Variants in SPADH observed in about 807,000 individuals in gnomAD.
SPADH encodes the protein spermadhesin family member, also known as CUB domain-containing protein.
the SPADH span, among the ~76,000 whole-genome samples, chr10:122,674,895 G>T: frequency 6.6e-6 from 1 of 152,188 alleles, no homozygotes; most frequent in Non-Finnish European, 1.5e-5. Flanking sequence ...AAGTCGTTCA[G>T]CTCTAGGCTG....
At chr10:122,679,086 C>G in the SPADH span, 3 of 860,812 alleles carry the variant, frequency 3.5e-6, no homozygotes, top group Non-Finnish European at 2.8e-6. Context: ...CTGATGCTCC[C>G]CTGCTCTGCC....
At chr10:122,675,745 T>C in the SPADH span, 1 of 551,802 alleles carries the variant, frequency 1.8e-6, no homozygotes, top group Non-Finnish European at 2.3e-6. Flanking sequence ...GAAATCCAAA[T>C]GGATCAATGA....
At chr10:122,677,922 C>T in the SPADH span, among the ~76,000 whole-genome samples, 14 of 152,284 alleles carry the variant, frequency 9.2e-5, no homozygotes, top group Admixed American at 7.9e-4. Context: ...ATGAAAGAGT[C>T]GTGCACTTCC....
chr10:122,675,692 A>G, the SPADH span: 4 of 972,532 alleles, frequency 4.1e-6, no homozygotes, highest in Non-Finnish European at 4.9e-6. Flanking sequence ...CAAGACTGTT[A>G]CCCTCTTTCC....
chr10:122,675,689 G>A, the SPADH span: 1 of 973,556 alleles, frequency 1.0e-6, no homozygotes, highest in Non-Finnish European at 1.2e-6. Context: ...AGACAAGACT[G>A]TTACCCTCTT....
the SPADH span, among the ~76,000 whole-genome samples, chr10:122,676,403 T>G: frequency 6.6e-6 from 1 of 152,226 alleles, no homozygotes; most frequent in East Asian, 1.9e-4. Flanking sequence ...CAGCCTGCCC[T>G]AAGAAAAGAT....
At chr10:122,677,235 C>T in the SPADH span, among the ~76,000 whole-genome samples, 1 of 152,192 alleles carries the variant, frequency 6.6e-6, no homozygotes, top group Non-Finnish European at 1.5e-5. Flanking sequence ...CACCTGCCCT[C>T]TGCCTGGAAT....
At chr10:122,673,132 T>A in the SPADH span, among the ~76,000 whole-genome samples, 1 of 152,220 alleles carries the variant, frequency 6.6e-6, no homozygotes, top group Non-Finnish European at 1.5e-5. Context: ...GCTGATGCCA[T>A]CGTGATTTTT....
At chr10:122,676,335 A>C in the SPADH span, among the ~76,000 whole-genome samples, 1 of 152,186 alleles carries the variant, frequency 6.6e-6, no homozygotes, top group Non-Finnish European at 1.5e-5. Context: ...ATGGATTCTC[A>C]TTTGTTCAGG....
chr10:122,675,223 G>GAAT, the SPADH span, among the ~76,000 whole-genome samples: 221 of 152,244 alleles, frequency 1.5e-3, no homozygotes, highest in African/African-American at 5.1e-3. Flanking sequence ...TTTTTCCCAG[G>GAAT]AAAGTGGGAC....
At chr10:122,674,591 C>T in the SPADH span, among the ~76,000 whole-genome samples, 1 of 152,348 alleles carries the variant, frequency 6.6e-6, no homozygotes, top group South Asian at 2.1e-4. Context: ...AATATAGTCT[C>T]AGGCTCAGGA....
chr10:122,678,804 G>C, the SPADH span: 1 of 706,122 alleles, frequency 1.4e-6, no homozygotes, highest in Admixed American at 6.3e-5. Flanking sequence ...CCTGGCTGGA[G>C]GACAAATCCA....
At chr10:122,674,990 G>A in the SPADH span, among the ~76,000 whole-genome samples, 25 of 152,194 alleles carry the variant, frequency 1.6e-4, no homozygotes, top group Non-Finnish European at 3.2e-4. Context: ...CCAGTGTCAC[G>A]TGCACCGTGG....
the SPADH span, among the ~76,000 whole-genome samples, chr10:122,674,503 C>T: frequency 3.9e-5 from 6 of 152,244 alleles, no homozygotes; most frequent in Middle Eastern, 0.014. Flanking sequence ...TCTGGGGAAT[C>T]GTGATTTATT....
the SPADH span, chr10:122,675,796 T>C: frequency 8.8e-6 from 2 of 226,072 alleles, no homozygotes; most frequent in African/African-American, 4.7e-5. Flanking sequence ...CAAAAGGACT[T>C]GGTAATTGGA....
At chr10:122,678,270 G>A in the SPADH span, among the ~76,000 whole-genome samples, 2 of 152,134 alleles carry the variant, frequency 1.3e-5, no homozygotes, top group South Asian at 4.1e-4. Flanking sequence ...ACTTCCATGT[G>A]CAGCTTGTCT....
the SPADH span, chr10:122,675,783 G>A: frequency 3.7e-6 from 1 of 273,376 alleles, no homozygotes; most frequent in South Asian, 1.4e-4. Context: ...GATAATTCTT[G>A]TCCAAAAGGA....
the SPADH span, chr10:122,672,974 C>T: frequency 4.1e-6 from 4 of 968,820 alleles, no homozygotes; most frequent in Non-Finnish European, 4.9e-6. Flanking sequence ...GCACTGTTTT[C>T]CTTTTCAACT....
the SPADH span, chr10:122,672,871 C>T: frequency 1.0e-6 from 1 of 985,446 alleles, no homozygotes. Flanking sequence ...TGGTGCCAGG[C>T]CCTGCTGAGG....
Sources: gnomAD v4.1 joint callset for allele counts (sites outside exome capture counted in the v4.1 genomes callset) on GRCh38, gnomAD v4.1.1 for gene constraint, MANE v1.5 for transcripts, NCBI Gene and HGNC (gene_info 2026-07-23, HGNC 2026-07-21) for gene names.